The following KCND3 variants were observed in gnomAD, a reference collection of about 807,000 sequenced individuals.
The protein encoded by KCND3 is A-type voltage-gated potassium channel KCND3.
In KCND3, 9 loss-of-function variants were observed where a neutral mutation model predicts 51.1. The observed-to-expected ratio is 0.18, with a 90% confidence interval of 0.11 to 0.31. KCND3 has a LOEUF of 0.31. Among genes scored for constraint, KCND3 ranks in the 10% least tolerant of loss-of-function variants. The pLI, the probability that KCND3 is intolerant of heterozygous loss-of-function variation, is 1.00. For synonymous variants in KCND3, 349 were observed against 368.0 expected (o/e 0.95, Z 0.59); for missense variants, 526 against 903.8 (o/e 0.58, Z 5.36).
At chr1:111,965,972 A>G (rs372340239) in intron 2 of KCND3, among the ~76,000 whole-genome samples, 5 of 152,212 alleles carry the variant, frequency 3.3e-5, no homozygotes, top group Admixed American at 2.6e-4. Context: ...AGAGCTGCCA[A>G]TGCAAGCAGG....
intron 2 of KCND3, among the ~76,000 whole-genome samples, chr1:111,818,070 AC>A (rs1666181768): frequency 4.7e-5 from 7 of 149,700 alleles, no homozygotes; most frequent in Admixed American, 4.0e-4. Flanking sequence ...ACACACACAC[AC>A]ACACACAGAA....
intron 2 of KCND3, among the ~76,000 whole-genome samples, chr1:111,888,926 T>C (rs1284924018): frequency 6.6e-6 from 1 of 152,082 alleles, no homozygotes; most frequent in Non-Finnish European, 1.5e-5. Context: ...GAAGTCCCTT[T>C]GGAGCTTATC....
chr1:111,905,375 G>A (rs147690811), intron 2 of KCND3, among the ~76,000 whole-genome samples: 12 of 152,356 alleles, frequency 7.9e-5, no homozygotes, highest in African/African-American at 1.4e-4. Flanking sequence ...ACAGCCCTGT[G>A]AGGAACTGCT....
At chr1:111,912,507 GA>G (rs1207767658) in intron 2 of KCND3, among the ~76,000 whole-genome samples, 4 of 151,920 alleles carry the variant, frequency 2.6e-5, no homozygotes, top group African/African-American at 9.7e-5. Context: ...CTCCTATGTA[GA>G]AAAAAAAGAA....
chr1:111,795,305 G>C (rs1464791080), intron 2 of KCND3, among the ~76,000 whole-genome samples: 1 of 152,202 alleles, frequency 6.6e-6, no homozygotes, highest in East Asian at 1.9e-4. Context: ...ATGGCTTTTA[G>C]GAATCTTGAA....
At chr1:111,885,998 T>C (rs904705368) in intron 2 of KCND3, among the ~76,000 whole-genome samples, 1 of 152,172 alleles carries the variant, frequency 6.6e-6, no homozygotes, top group African/African-American at 2.4e-5. Flanking sequence ...GACATGATAG[T>C]GTGTTATCTA....
At chr1:111,841,710 G>A (rs643559) in intron 2 of KCND3, among the ~76,000 whole-genome samples, 26,236 of 152,166 alleles carry the variant, frequency 0.17, 2,434 homozygotes, top group Non-Finnish European at 0.21. Flanking sequence ...ACCACATAAG[G>A]GCACAGGCCA....
chr1:111,816,579 G>C (rs996347330), intron 2 of KCND3, among the ~76,000 whole-genome samples: 3 of 152,184 alleles, frequency 2.0e-5, no homozygotes, highest in African/African-American at 7.2e-5. Context: ...CCCCGAACTG[G>C]GAAAGATGGG....
chr1:111,953,260 A>G (rs1571896152), intron 2 of KCND3, among the ~76,000 whole-genome samples: 1 of 152,172 alleles, frequency 6.6e-6, no homozygotes, highest in African/African-American at 2.4e-5. Context: ...AGAGAAAAAT[A>G]AAAAGCTTGT....
At chr1:111,778,519 T>TA (rs1205706819) in intron 5 of KCND3, 27 bp from the exon 6 acceptor site, 1 of 1,605,174 alleles carries the variant, frequency 6.2e-7, no homozygotes, top group African/African-American at 1.3e-5. Flanking sequence ...CAACAGAAGA[T>TA]AAAAACACCA....
chr1:111,837,163 G>A (rs1325108825), intron 2 of KCND3, among the ~76,000 whole-genome samples: 1 of 152,148 alleles, frequency 6.6e-6, no homozygotes, highest in East Asian at 1.9e-4. Context: ...GACAGGCTTA[G>A]GGACATACTT....
chr1:111,814,442 C>T (rs1014706108), intron 2 of KCND3, among the ~76,000 whole-genome samples: 1 of 152,230 alleles, frequency 6.6e-6, no homozygotes, highest in Non-Finnish European at 1.5e-5. Flanking sequence ...ATAAGTAACA[C>T]ACCTGTGAAC....
chr1:111,916,267 G>C (rs1671212941), intron 2 of KCND3, among the ~76,000 whole-genome samples: 1 of 151,956 alleles, frequency 6.6e-6, no homozygotes, highest in Non-Finnish European at 1.5e-5. Flanking sequence ...AAAATAAAAA[G>C]ATACCTGGAA....
At chr1:111,867,248 T>G (rs1163720030) in intron 2 of KCND3, among the ~76,000 whole-genome samples, 2 of 152,062 alleles carry the variant, frequency 1.3e-5, no homozygotes, top group Non-Finnish European at 2.9e-5. Context: ...ACCCAGTGAG[T>G]TGAGGCCTAT....
Position 111,770,890 on chromosome 1 carries a change from TTGA to T in KCND3, c.*5184_*5186del. On this transcript the variant is annotated 3_prime_UTR_variant, in exon 8 of 8. Coordinates refer to ENST00000302127, the MANE Select transcript of KCND3 (RefSeq NM_001378969.1). ...ATATTTCTTCTTTGCCATTGTGATG[TTGA>T]TAAGCAAAGCCCATTTATTATACGA... is the stretch of plus-strand genomic sequence containing the variant. 6.6e-6 allele frequency: 1 copy of T among 152,302 alleles called. No homozygotes were observed. Among genetic ancestry groups the T allele is most frequent in the East Asian group, 1.9e-4 (1 of 5,192 alleles). 9.4% of individuals were successfully genotyped at this position (152,302 alleles called of 1,614,324 possible). A position where few individuals can be genotyped will look rare whatever the true frequency, so the allele number is the denominator to read the frequency against.
rs913499673 is a variant in KCND3 at position 111,831,765 on chromosome 1, G to T, written c.1107-44659C>A. Reference sequence around the variant, plus strand: ...ACCTGGAGAGTCCATAAAATGCCCAGCCTCTCCAAGTCCAACACATCTTCA... The same window carrying T: ...ACCTGGAGAGTCCATAAAATGCCCATCCTCTCCAAGTCCAACACATCTTCA... On this transcript the variant is annotated intron_variant, in intron 2 of 7. Transcript: ENST00000302127. Among the ~76,000 whole-genome samples the T allele has an allele frequency of 1.8e-4, 27 of 152,070 alleles. 1 individual carries two copies. The highest frequency in any genetic ancestry group is 2.9e-4 in the Non-Finnish European group (20 of 68,000).
intron 2 of KCND3, among the ~76,000 whole-genome samples, chr1:111,926,668 G>A (rs1010433568): frequency 3.3e-5 from 5 of 152,230 alleles, no homozygotes; most frequent in African/African-American, 4.8e-5. Flanking sequence ...AGGACAGACC[G>A]GGATAAAGCC....
rs1437873299 is a variant in KCND3 at position 111,905,761 on chromosome 1, G to A, written c.1106+75860C>T. 2.0e-5 allele frequency among the ~76,000 whole-genome samples: 3 copies of A among 152,156 alleles called. No individual in the cohort carries two copies. The South Asian group carries it at 6.2e-4, about 32-fold the overall frequency. On this transcript the variant is annotated intron_variant, in intron 2 of 7. Coordinates refer to ENST00000302127, the MANE Select transcript of KCND3 (RefSeq NM_001378969.1). ...CCCAGCAGGGCATCAGAATCACCTG[G>A]GCAGTTTAAAGGAACAGTAATGCCT... is the stretch of plus-strand genomic sequence containing the variant.
intron 2 of KCND3, among the ~76,000 whole-genome samples, chr1:111,801,431 C>G (rs1002965520): frequency 6.6e-6 from 1 of 152,208 alleles, no homozygotes; most frequent in East Asian, 1.9e-4. Flanking sequence ...CTCTTATGGC[C>G]AGAGTCTTCC....
Sources: gnomAD v4.1 joint callset for allele counts (sites outside exome capture counted in the v4.1 genomes callset) on GRCh38, gnomAD v4.1.1 for gene constraint, MANE v1.5 for transcripts, NCBI Gene and HGNC (gene_info 2026-07-23, HGNC 2026-07-21) for gene names.